The following ELF1 variants were observed in gnomAD, a reference collection of about 807,000 sequenced individuals.
ELF1 encodes E74 like ETS transcription factor 1, also known as ETS-related transcription factor Elf-1.
In ELF1, 24 loss-of-function variants were observed where a neutral mutation model predicts 59.9. The observed-to-expected ratio is 0.40, with a 90% CI of 0.29 to 0.56. ELF1 has a LOEUF of 0.56. ELF1 is among the 20% of genes least tolerant of loss of function. The probability of loss-of-function intolerance (pLI) is 0.44; values close to 1 mark genes in which losing one functional copy is unlikely to be tolerated. For missense variants in ELF1, 627 were observed against 742.2 expected (o/e 0.84, Z 1.80); for synonymous variants, 248 against 266.2 (o/e 0.93, Z 0.67).
At chr13:41,003,705 C>T (rs953985533) in intron 1 of ELF1, among the ~76,000 whole-genome samples, 1 of 152,114 alleles carries the variant, frequency 6.6e-6, no homozygotes, top group African/African-American at 2.4e-5. Flanking sequence ...ATCAGGACCA[C>T]AATGAATGGC....
At chr13:40,942,607 A>G (rs1245921978) in intron 7 of ELF1, among the ~76,000 whole-genome samples, 1 of 151,844 alleles carries the variant, frequency 6.6e-6, no homozygotes, top group Non-Finnish European at 1.5e-5. Context: ...TGCAGCCTCA[A>G]CCTCCCGGGC....
intron 8 of ELF1, among the ~76,000 whole-genome samples, chr13:40,934,303 T>C (rs1010361911): frequency 3.3e-5 from 5 of 151,782 alleles, no homozygotes; most frequent in East Asian, 1.9e-4. Flanking sequence ...TTAACACAAA[T>C]GAGGAGCTAA....
intron 1 of ELF1, among the ~76,000 whole-genome samples, chr13:41,030,834 G>C (rs11617594): frequency 0.32 from 47,711 of 151,278 alleles, 9,127 homozygotes; most frequent in Middle Eastern, 0.46. Context: ...GGGGGTGGGG[G>C]GTGCAGTGGG....
chr13:40,960,658 G>A (rs951345112), intron 2 of ELF1, among the ~76,000 whole-genome samples: 7 of 152,208 alleles, frequency 4.6e-5, no homozygotes, highest in South Asian at 2.1e-4. Context: ...GGCTGGACTC[G>A]AACTCCTGGG....
At chr13:41,030,345 G>A (rs1045788989) in intron 1 of ELF1, among the ~76,000 whole-genome samples, 7 of 152,076 alleles carry the variant, frequency 4.6e-5, no homozygotes, top group African/African-American at 1.7e-4. Context: ...GGTCACTGTT[G>A]GTTTTGAAAG....
intron 1 of ELF1, among the ~76,000 whole-genome samples, chr13:41,051,668 T>G (rs1877093474): frequency 6.6e-6 from 1 of 152,030 alleles, no homozygotes; most frequent in Admixed American, 6.6e-5. Context: ...CTTTAAGTAA[T>G]AAGATTAAAC....
intron 6 of ELF1, 136 bp from the exon 7 acceptor site, chr13:40,943,280 T>TTAAA (rs1374116786): frequency 8.0e-6 from 6 of 749,766 alleles, no homozygotes; most frequent in Non-Finnish European, 1.2e-5. Flanking sequence ...ATTGGTGACA[T>TTAAA]AATTTAGTTA....
chr13:40,952,558 C>T (rs914127865), intron 3 of ELF1, among the ~76,000 whole-genome samples: 2 of 151,844 alleles, frequency 1.3e-5, no homozygotes, highest in Non-Finnish European at 2.9e-5. Context: ...GACAGGGTCC[C>T]GCTATGTTGC....
intron 1 of ELF1, among the ~76,000 whole-genome samples, chr13:40,994,620 G>T (rs1480623323): frequency 1.3e-5 from 2 of 152,190 alleles, no homozygotes; most frequent in Non-Finnish European, 2.9e-5. Flanking sequence ...TCCAGCCTGG[G>T]CAACAGAGCA....
At chr13:40,977,573 C>A (rs1179969495) in intron 2 of ELF1, among the ~76,000 whole-genome samples, 2 of 152,088 alleles carry the variant, frequency 1.3e-5, no homozygotes, top group African/African-American at 4.8e-5. Flanking sequence ...TATTTATAAC[C>A]TAGACCATAA....
intron 2 of ELF1, among the ~76,000 whole-genome samples, chr13:40,974,157 T>G (rs1487266407): frequency 6.6e-6 from 1 of 151,594 alleles, no homozygotes; most frequent in South Asian, 2.1e-4. Flanking sequence ...TTTAAGTAGA[T>G]GGATTATATG....
rs376194181 is a variant in ELF1 at position 40,977,398 on chromosome 13, TCAGCATCAA to T, written c.72+4576_72+4584del. On this transcript the variant is annotated intron_variant, in intron 2 of 8. Coordinates refer to ENST00000239882, the MANE Select transcript of ELF1 (RefSeq NM_172373.4). ...ACAGCAACAACAGAGTTTTAAATTG[TCAGCATCAA>T]CAGCATTGATATTTCCTTTCCAACA... Among the ~76,000 whole-genome samples, 293 of 152,226 alleles carry T rather than the reference TCAGCATCAA, an allele frequency of 1.9e-3. 1 individual carries two copies. The highest frequency in any genetic ancestry group is 6.8e-3 in the African/African-American group (281 of 41,530).
At chr13:40,956,700 T>G (rs1871470119) in intron 3 of ELF1, among the ~76,000 whole-genome samples, 1 of 151,918 alleles carries the variant, frequency 6.6e-6, no homozygotes, top group South Asian at 2.1e-4. Context: ...TTAATTTGTT[T>G]TTTGTTTTTG....
At chr13:40,946,832 C>G (rs573605335) in intron 5 of ELF1, among the ~76,000 whole-genome samples, 28 of 152,222 alleles carry the variant, frequency 1.8e-4, no homozygotes, top group Non-Finnish European at 3.8e-4. Flanking sequence ...AGACCCACCT[C>G]TACAAAAATA....
At chr13:40,959,423 G>C (rs571543744) in intron 2 of ELF1, among the ~76,000 whole-genome samples, 1 of 152,150 alleles carries the variant, frequency 6.6e-6, no homozygotes, top group Non-Finnish European at 1.5e-5. Context: ...TTGAACCTGG[G>C]AGGCGGAGGT....
At chr13:41,010,467 A>G (rs890689056) in intron 1 of ELF1, among the ~76,000 whole-genome samples, 1 of 13,058 alleles carries the variant, frequency 7.7e-5, no homozygotes, top group African/African-American at 3.5e-4. Context: ...CACCCCCCCA[A>G]AAAAATACAT....
intron 2 of ELF1, among the ~76,000 whole-genome samples, chr13:40,963,789 C>T (rs1325540558): frequency 6.6e-6 from 1 of 152,034 alleles, no homozygotes; most frequent in Non-Finnish European, 1.5e-5. Flanking sequence ...AGCCTATAGT[C>T]CCAGCTACTC....
intron 5 of ELF1, among the ~76,000 whole-genome samples, chr13:40,948,996 T>C (rs913993803): frequency 6.6e-6 from 1 of 152,186 alleles, no homozygotes; most frequent in African/African-American, 2.4e-5. Context: ...ATTATCATTA[T>C]TTTTTTGAGA....
intron 2 of ELF1, among the ~76,000 whole-genome samples, chr13:40,972,092 A>T (rs1229387610): frequency 6.6e-6 from 1 of 152,216 alleles, no homozygotes; most frequent in Non-Finnish European, 1.5e-5. Context: ...AAAGAATTTT[A>T]AAAAATCATA....
Sources: gnomAD v4.1 joint callset for allele counts (sites outside exome capture counted in the v4.1 genomes callset) on GRCh38, gnomAD v4.1.1 for gene constraint, MANE v1.5 for transcripts, NCBI Gene and HGNC (gene_info 2026-07-23, HGNC 2026-07-21) for gene names.